FUT9: variants seen among roughly 807,000 people sequenced by gnomAD.
FUT9 encodes the protein 4-galactosyl-N-acetylglucosaminide 3-alpha-L-fucosyltransferase 9.
A neutral mutation model predicts 29.7 loss-of-function variants in FUT9; 15 were observed. That is an observed-to-expected ratio of 0.51 (90% CI 0.34 to 0.78). The LOEUF (loss-of-function observed/expected upper bound fraction) is 0.78. FUT9 is among the 30% of genes least tolerant of loss of function. The pLI, the probability that FUT9 is intolerant of heterozygous loss-of-function variation, is 0.01. For synonymous variants in FUT9, 169 were observed against 153.7 expected, an observed-to-expected ratio of 1.10 and a Z score of -0.74; for missense variants, 319 against 425.4, an observed-to-expected ratio of 0.75 and a Z score of 2.20.
At chr6:96,112,329 T>C (rs12153917) in intron 1 of FUT9, among the ~76,000 whole-genome samples, 21,144 of 152,152 alleles carry the variant, frequency 0.14, 1,691 homozygotes, top group Non-Finnish European at 0.17. Context: ...TGTTACAAAA[T>C]ATAGACAAAT....
At chr6:96,107,660 C>T (rs1157823404) in intron 1 of FUT9, among the ~76,000 whole-genome samples, 1 of 152,056 alleles carries the variant, frequency 6.6e-6, no homozygotes, top group East Asian at 1.9e-4. Context: ...ATCTGTATTC[C>T]AAGCATAAGT....
intron 2 of FUT9, among the ~76,000 whole-genome samples, chr6:96,163,946 TA>T (rs1366550460): frequency 6.6e-6 from 1 of 152,200 alleles, no homozygotes; most frequent in Non-Finnish European, 1.5e-5. Context: ...TTGCCAAGGT[TA>T]ATAACATGCC....
At chr6:96,078,406 T>TGA (rs200469298) in intron 1 of FUT9, among the ~76,000 whole-genome samples, 17 of 117,318 alleles carry the variant, frequency 1.4e-4, no homozygotes, top group East Asian at 5.2e-4. Context: ...CATATTAGTC[T>TGA]TCTTTTTTTT....
rs77013616 is a variant in FUT9 at position 96,154,880 on chromosome 6, T to C, written c.-9+40753T>C. 3.0e-4 allele frequency among the ~76,000 whole-genome samples: 46 copies of C among 152,332 alleles called. No individual in the cohort carries two copies. In the East Asian group the frequency reaches 7.9e-3, roughly 26 times the overall value. The stretch of plus-strand genomic sequence containing the variant: ...ACTCCTGTATATGCAGATTGGAAGA[T>C]AGGCATAGGCAGTGGATTAGGTTTC... On this transcript the variant is annotated intron_variant, in intron 2 of 2. Transcript: ENST00000302103.
At chr6:96,171,160 G>A (rs1773105793) in intron 2 of FUT9, among the ~76,000 whole-genome samples, 1 of 152,182 alleles carries the variant, frequency 6.6e-6, no homozygotes, top group Non-Finnish European at 1.5e-5. Flanking sequence ...ACAGGTGACT[G>A]AGACTCAAGC....
chr6:96,048,680 GAAGAA>G (rs1433381620), intron 1 of FUT9, among the ~76,000 whole-genome samples: 1 of 152,150 alleles, frequency 6.6e-6, no homozygotes, highest in African/African-American at 2.4e-5. Flanking sequence ...GAACGGAAGC[GAAGAA>G]AAGAGATCGG....
intron 1 of FUT9, among the ~76,000 whole-genome samples, chr6:96,020,420 T>C (rs1770047647): frequency 6.6e-6 from 1 of 152,174 alleles, no homozygotes; most frequent in Non-Finnish European, 1.5e-5. Context: ...TATTTATTTT[T>C]AAATTTTTAC....
At chr6:96,153,618 A>G (rs4354162) in intron 2 of FUT9, among the ~76,000 whole-genome samples, 26,086 of 152,100 alleles carry the variant, frequency 0.17, 2,479 homozygotes, top group Admixed American at 0.25. Context: ...AATGACCATT[A>G]AGTCTCAGAC....
At chr6:96,061,437 C>T (rs150979261) in intron 1 of FUT9, among the ~76,000 whole-genome samples, 218 of 150,694 alleles carry the variant, frequency 1.4e-3, no homozygotes, top group African/African-American at 5.1e-3. Context: ...GTTTTACAAA[C>T]GCTTTCATTC....
At chr6:96,148,412 G>C (rs928334909) in intron 2 of FUT9, among the ~76,000 whole-genome samples, 1 of 152,072 alleles carries the variant, frequency 6.6e-6, no homozygotes, top group Admixed American at 6.6e-5. Context: ...TTAAAATGAG[G>C]GAGTACTCTG....
chr6:96,143,436 T>G (rs775835535), intron 2 of FUT9, among the ~76,000 whole-genome samples: 5 of 152,236 alleles, frequency 3.3e-5, no homozygotes, highest in Admixed American at 2.0e-4. Flanking sequence ...CATGGCTAGA[T>G]AGCAGATAGT....
At chr6:96,092,018 G>C (rs1771419626) in intron 1 of FUT9, among the ~76,000 whole-genome samples, 2 of 151,962 alleles carry the variant, frequency 1.3e-5, no homozygotes, top group Non-Finnish European at 2.9e-5. Flanking sequence ...AATGATATTT[G>C]ATAAAATATT....
chr6:96,070,310 A>G (rs905704942), intron 1 of FUT9, among the ~76,000 whole-genome samples: 7 of 152,248 alleles, frequency 4.6e-5, no homozygotes, highest in African/African-American at 1.4e-4. Flanking sequence ...TTATTAAAGC[A>G]TTATTTGTAA....
intron 1 of FUT9, among the ~76,000 whole-genome samples, chr6:96,058,468 C>CAGAAAA (rs376198189): frequency 1.3e-5 from 1 of 77,174 alleles, no homozygotes; most frequent in African/African-American, 5.8e-5. Flanking sequence ...GGCTTTATTC[C>CAGAAAA]AAAAAAAAAA....
intron 1 of FUT9, among the ~76,000 whole-genome samples, chr6:96,032,910 C>T (rs1449411475): frequency 4.6e-5 from 7 of 151,494 alleles, no homozygotes; most frequent in Admixed American, 2.0e-4. Flanking sequence ...AGGAACAGTA[C>T]GTGTTATTAG....
intron 2 of FUT9, among the ~76,000 whole-genome samples, chr6:96,151,029 A>T (rs1772665793): frequency 6.6e-6 from 1 of 152,200 alleles, no homozygotes. Context: ...GTGATTCCAC[A>T]ATTTAGATTT....
intron 2 of FUT9, among the ~76,000 whole-genome samples, chr6:96,163,547 A>G (rs1401976827): frequency 6.6e-6 from 1 of 152,124 alleles, no homozygotes; most frequent in Non-Finnish European, 1.5e-5. Context: ...AATAAGGCAA[A>G]CACCAACCTG....
chr6:96,109,342 GT>G, intron 1 of FUT9, among the ~76,000 whole-genome samples: 1 of 152,012 alleles, frequency 6.6e-6, no homozygotes, highest in East Asian at 1.9e-4. Context: ...ATTGTATAGT[GT>G]TTTTCTTAAT....
chr6:96,129,363 C>T (rs920213826), intron 2 of FUT9, among the ~76,000 whole-genome samples: 3 of 150,798 alleles, frequency 2.0e-5, no homozygotes, highest in African/African-American at 7.3e-5. Flanking sequence ...GAGAAGGTCA[C>T]CTAAGCCCAG....
Sources: allele counts gnomAD v4.1 joint callset (sites outside exome capture counted in the v4.1 genomes callset), GRCh38; gene constraint gnomAD v4.1.1; transcripts MANE v1.5; gene names NCBI Gene and HGNC (gene_info 2026-07-23, HGNC 2026-07-21).